Variants in NEK7 observed in about 807,000 individuals in gnomAD.
The protein encoded by NEK7 is NIMA related kinase 7, also known as serine/threonine-protein kinase Nek7.
NEK7 carries 18 observed loss-of-function variants against 44.6 expected under a neutral mutation model. The observed-to-expected ratio is 0.40, with a 90% CI of 0.28 to 0.60. NEK7 has a LOEUF of 0.60. NEK7 is among the 20% of genes least tolerant of loss of function. The pLI is 0.38. For missense variants in NEK7, 256 were observed against 366.5 expected (o/e 0.70, Z 2.46); for synonymous variants, 130 against 121.1 (o/e 1.07, Z -0.48).
rs148032820 is a variant in NEK7, at chr1:198,292,267, C to T, written c.590-678C>T. The stretch of plus-strand genomic sequence containing the variant: ...AAAAAAAGAAAAAGTATTAGCACAT[C>T]AAAGCAAGCAATTAAAACAAAAATT... On this transcript the variant is annotated intron_variant, in intron 7 of 9. Coordinates refer to ENST00000367385, the MANE Select transcript of NEK7 (RefSeq NM_133494.3). 5.5e-4 allele frequency among the ~76,000 whole-genome samples: 83 copies of T among 152,068 alleles called. 2 individuals are homozygous for T. The East Asian group carries it at 0.014, about 26-fold the overall frequency.
Position 198,319,704 on chromosome 1 carries a change from C to T in NEK7, c.*182C>T, listed in dbSNP as rs531402162. The T allele has an allele frequency of 1.3e-5, 7 of 544,356 alleles. No individual in the cohort carries two copies. The South Asian group carries it at 3.2e-4, about 25-fold the overall frequency. 33.7% of individuals were successfully genotyped at this position (544,356 alleles called of 1,614,324 possible). A position where few individuals can be genotyped will look rare whatever the true frequency, so the allele number is the denominator to read the frequency against. ...ACCTAAATCACCTCCTTGCAACCCC[C>T]AAATGACTTTGGAATAACTGAATTG... On this transcript the variant is annotated 3_prime_UTR_variant, in exon 10 of 10. Coordinates refer to ENST00000367385, the MANE Select transcript of NEK7 (RefSeq NM_133494.3).
At chr1:198,271,926 C>T (rs10801658) in intron 5 of NEK7, among the ~76,000 whole-genome samples, 17,411 of 140,734 alleles carry the variant, frequency 0.12, 1,695 homozygotes, top group East Asian at 0.57. Flanking sequence ...TATATATATA[C>T]ACACACACAC....
At chr1:198,282,945 T>C (rs1465503769) in intron 7 of NEK7, among the ~76,000 whole-genome samples, 1 of 152,110 alleles carries the variant, frequency 6.6e-6, no homozygotes, top group Non-Finnish European at 1.5e-5. Context: ...ATTAGTGATA[T>C]GACAGAAAAT....
chr1:198,252,131 TA>T (rs1653027485), intron 2 of NEK7, among the ~76,000 whole-genome samples: 1 of 152,156 alleles, frequency 6.6e-6, no homozygotes, highest in Non-Finnish European at 1.5e-5. Flanking sequence ...TTTCGTTATG[TA>T]CCCAGTAGTC....
At chr1:198,264,890 C>G (rs1221510871) in intron 5 of NEK7, among the ~76,000 whole-genome samples, 1 of 151,956 alleles carries the variant, frequency 6.6e-6, no homozygotes. Flanking sequence ...ATAGAACCTA[C>G]TTTATAGGAT....
chr1:198,299,741 ATAC>A (rs1450312095), intron 9 of NEK7, among the ~76,000 whole-genome samples: 1 of 152,200 alleles, frequency 6.6e-6, no homozygotes, highest in Non-Finnish European at 1.5e-5. Context: ...TTTCATGAGA[ATAC>A]TAGCCATACC....
intron 2 of NEK7, among the ~76,000 whole-genome samples, chr1:198,249,888 A>T (rs1409977975): frequency 1.4e-5 from 2 of 146,296 alleles, no homozygotes; most frequent in Non-Finnish European, 3.0e-5. Context: ...GTTTAATTAG[A>T]TCCCATTTGT....
intron 9 of NEK7, among the ~76,000 whole-genome samples, chr1:198,300,210 C>A (rs981658222): frequency 2.6e-5 from 4 of 152,118 alleles, no homozygotes; most frequent in African/African-American, 9.7e-5. Flanking sequence ...CCTTAGATGT[C>A]TCTTAGTTTA....
chr1:198,317,522 A>G (rs896278720), intron 9 of NEK7, among the ~76,000 whole-genome samples: 1 of 152,206 alleles, frequency 6.6e-6, no homozygotes, highest in Non-Finnish European at 1.5e-5. Flanking sequence ...TCCTCATGCC[A>G]GGAGAACTTA....
intron 2 of NEK7, among the ~76,000 whole-genome samples, chr1:198,235,223 C>T (rs907932755): frequency 3.3e-5 from 5 of 152,258 alleles, no homozygotes; most frequent in Admixed American, 6.5e-5. Flanking sequence ...TTTCTTGTTT[C>T]AAAATGAATA....
At chr1:198,238,362 G>C (rs1478096256) in intron 2 of NEK7, among the ~76,000 whole-genome samples, 4 of 151,970 alleles carry the variant, frequency 2.6e-5, no homozygotes, top group Non-Finnish European at 4.4e-5. Flanking sequence ...GGCGGGGTGG[G>C]GTGAGGAACC....
chr1:198,165,618 GT>G (rs1357482183), intron 1 of NEK7, among the ~76,000 whole-genome samples: 2 of 152,190 alleles, frequency 1.3e-5, no homozygotes, highest in Admixed American at 6.5e-5. Context: ...CTGATGTGCT[GT>G]TGCCCAGGTT....
chr1:198,310,998 A>C (rs1431036310), intron 9 of NEK7, among the ~76,000 whole-genome samples: 4 of 148,966 alleles, frequency 2.7e-5, no homozygotes. Context: ...GCTTGATGGG[A>C]ATGGCATTGA....
chr1:198,263,184 A>G (rs1304432273), intron 4 of NEK7, among the ~76,000 whole-genome samples: 3 of 151,936 alleles, frequency 2.0e-5, no homozygotes, highest in Non-Finnish European at 2.9e-5. Flanking sequence ...TCTTTTGAGA[A>G]ATACTGCGGC....
chr1:198,304,297 A>C (rs759367594), intron 9 of NEK7, among the ~76,000 whole-genome samples: 1 of 152,210 alleles, frequency 6.6e-6, no homozygotes, highest in Middle Eastern at 3.2e-3. Flanking sequence ...GTGTAAGATT[A>C]CTTTCTTTTC....
At chr1:198,244,566 A>G (rs1209179671) in intron 2 of NEK7, among the ~76,000 whole-genome samples, 1 of 152,178 alleles carries the variant, frequency 6.6e-6, no homozygotes, top group African/African-American at 2.4e-5. Context: ...ACTGATACGT[A>G]GAAGTTAATC....
At chr1:198,177,119 G>A (rs1664624619) in intron 1 of NEK7, among the ~76,000 whole-genome samples, 1 of 152,116 alleles carries the variant, frequency 6.6e-6, no homozygotes, top group Non-Finnish European at 1.5e-5. Context: ...CTCATTTTGT[G>A]TAGAAACGAT....
At chr1:198,216,280 C>G (rs1665916507) in intron 1 of NEK7, among the ~76,000 whole-genome samples, 1 of 151,920 alleles carries the variant, frequency 6.6e-6, no homozygotes, top group Non-Finnish European at 1.5e-5. Flanking sequence ...CCAGAGGGAA[C>G]CATCAAAACT....
chr1:198,251,179 C>CGTTT (rs1652950885), intron 2 of NEK7, among the ~76,000 whole-genome samples: 1 of 150,496 alleles, frequency 6.6e-6, no homozygotes, highest in Admixed American at 6.6e-5. Context: ...TGCTGGATTA[C>CGTTT]ATTGATTTGC....
Sources: gnomAD v4.1 joint callset for allele counts (sites outside exome capture counted in the v4.1 genomes callset) on GRCh38, gnomAD v4.1.1 for gene constraint, MANE v1.5 for transcripts, NCBI Gene and HGNC (gene_info 2026-07-23, HGNC 2026-07-21) for gene names.